COL4A4: variants seen among roughly 807,000 people sequenced by gnomAD.
COL4A4 encodes collagen type IV alpha 4 chain.
A neutral mutation model predicts 192.9 loss-of-function variants in COL4A4; 105 were observed. The ratio of observed to expected loss-of-function variants is 0.54; its 90% CI spans 0.46 to 0.64. The LOEUF (loss-of-function observed/expected upper bound fraction) is 0.64. COL4A4 is among the 30% of genes least tolerant of loss of function. The pLI is 0.00. For missense variants in COL4A4, 1,967 were observed against 2,169.3 expected (o/e 0.91, Z 1.85); for synonymous variants, 762 against 769.9 (o/e 0.99, Z 0.17).
Position 227,103,126 on chromosome 2 carries a change from G to C in COL4A4, c.870+18C>G, listed in dbSNP as rs757340940. 6.3e-6 allele frequency: 10 copies of C among 1,588,180 alleles called. No homozygotes were observed. In the Admixed American group the frequency reaches 1.7e-4, roughly 28 times the overall value. On this transcript the variant is annotated intron_variant, in intron 14 of 47. Transcript: ENST00000396625. Reference sequence around the variant, plus strand: ...ACATCACACAAATGAAAAAAAAAAAGGTACTTAAATAAACTACCTTGCGTC... The same window carrying C: ...ACATCACACAAATGAAAAAAAAAAACGTACTTAAATAAACTACCTTGCGTC...
At chr2:227,018,174 G>A (rs75755673) in intron 44 of COL4A4, among the ~76,000 whole-genome samples, 1,932 of 152,202 alleles carry the variant, frequency 0.013, 23 homozygotes, top group African/African-American at 0.045. Context: ...TAGCTGTCCT[G>A]CAGTTCTCCA....
chr2:226,998,482 A>G (rs1559377482), downstream of COL4A4: 1 of 152,194 alleles, frequency 6.6e-6, no homozygotes, highest in African/African-American at 2.4e-5. Flanking sequence ...GAGATTCAGT[A>G]TTCAGTAAAG....
Position 227,077,910 on chromosome 2 carries a change from GC to G in COL4A4, c.1970del (p.Gly657AlafsTer2). 6.2e-7 allele frequency: 1 copy of G among 1,613,204 alleles called. No homozygotes were observed. On this transcript the variant is annotated frameshift_variant, in exon 25 of 48. Coordinates refer to ENST00000396625, the MANE Select transcript of COL4A4 (RefSeq NM_000092.5). LOFTEE classifies it high-confidence loss of function. The stretch of plus-strand genomic sequence containing the variant: ...TAAAATTACCTTTCTGACCCTTCAA[GC>G]CATCAGGGCCCCTCACACCTGGGTG... ...PGHPGVRGPD[G>X]LKGQKGDTIS...
rs1024093641 is a variant in COL4A4 at position 227,008,069 on chromosome 2, G to C, written c.4758C>G (p.Pro1586=). The C allele has an allele frequency of 2.5e-6, 4 of 1,614,054 alleles. No homozygotes were observed. The highest frequency in any genetic ancestry group is 1.7e-5 in the Admixed American group (1 of 60,032). ...VAVHSQDQSI[P]PCPQTWRSLW... ...GGCTCCTCCAGGTCTGCGGACATGG[G>C]GGGATGGACTGGTCCTGGCTGTGCA... Residue 1586 remains proline (P), a synonymous_variant, in exon 47 of 48, where the codon CCC becomes CCG. Transcript: ENST00000396625.
intron 4 of COL4A4, among the ~76,000 whole-genome samples, chr2:227,126,686 C>T (rs1237094219): frequency 6.6e-6 from 1 of 152,156 alleles, no homozygotes; most frequent in Non-Finnish European, 1.5e-5. Context: ...CATTAAACCT[C>T]AAATAACAGC....
intron 42 of COL4A4, among the ~76,000 whole-genome samples, chr2:227,026,634 G>A (rs922385262): frequency 5.3e-5 from 8 of 152,012 alleles, no homozygotes; most frequent in African/African-American, 1.4e-4. Context: ...CTGAACTGAC[G>A]CCACATTACC....
Position 227,003,932 on chromosome 2 carries a change from A to AAAT in COL4A4, c.*3390_*3392dup, listed in dbSNP as rs1440761054. 2.6e-5 allele frequency: 4 copies of AAAT among 152,254 alleles called. No individual in the cohort carries two copies. The highest frequency in any genetic ancestry group is 9.6e-5 in the African/African-American group (4 of 41,454). The allele number at this position is 152,254 out of a possible 1,614,324, so 9.4% of individuals were successfully genotyped here. On this transcript the variant is annotated 3_prime_UTR_variant, in exon 48 of 48. Transcript: ENST00000396625. ...TTGTAACAAGAGAATGTGGGTATAC[A>AAAT]AATATGTTGAATATTAAAATATTCT...
downstream of COL4A4, chr2:226,997,984 G>A (rs1191153983): frequency 6.6e-6 from 1 of 152,224 alleles, no homozygotes; most frequent in Admixed American, 6.5e-5. Flanking sequence ...ACAAAAGCAA[G>A]TGAGCAAGTG....
At chr2:227,160,991 G>A (rs1306482293) in intron 1 of COL4A4, among the ~76,000 whole-genome samples, 8 of 152,216 alleles carry the variant, frequency 5.3e-5, no homozygotes, top group Admixed American at 5.2e-4. Context: ...CAAGATTAAT[G>A]AAGCAGCTGT....
intron 25 of COL4A4, among the ~76,000 whole-genome samples, chr2:227,074,932 G>A (rs916557295): frequency 6.6e-6 from 1 of 151,954 alleles, no homozygotes; most frequent in African/African-American, 2.4e-5. Context: ...AAACCAGGAA[G>A]AATTCAAATC....
rs771213140 is a variant in COL4A4, at chr2:227,088,822, C to T, written c.1460-6G>A. 8.4e-5 allele frequency: 135 copies of T among 1,614,044 alleles called. No homozygotes were observed. The highest frequency in any genetic ancestry group is 3.3e-4 in the Middle Eastern group (2 of 6,062). On this transcript the variant is annotated splice_polypyrimidine_tract_variant and splice_region_variant and intron_variant, in intron 21 of 47. Transcript: ENST00000396625. ...GGCACAGAGTCCTTCATTTCCTAGA[C>T]AGAGGATCAATGGCAGATTTGTCAT... is the stretch of plus-strand genomic sequence containing the variant.
chr2:227,147,317 T>C (rs781323458), intron 2 of COL4A4, 96 bp downstream of exon 2: 1 of 1,213,700 alleles, frequency 8.2e-7, no homozygotes, highest in South Asian at 1.2e-5. Context: ...ATTTGGCTTT[T>C]TGACATATTA....
rs752058872 is a variant in COL4A4 at position 227,054,635 on chromosome 2, A to G, written c.2819T>C (p.Met940Thr). The change falls in exon 31 of 48, where the codon ATG becomes ACG. Residue 940 changes from methionine (M) to threonine (T), a missense_variant. Coordinates refer to ENST00000396625, the MANE Select transcript of COL4A4 (RefSeq NM_000092.5). ...GAKGEPGEKG[M>T]SGLPGDRGLR... ...TCCCCGGTCTCCAGGAAGGCCAGAC[A>G]TGCCCTTCTCTCCAGGTTCTCCCTT... 2 of 1,614,062 alleles carry G rather than the reference A, an allele frequency of 1.2e-6. No homozygotes were observed. The highest frequency in any genetic ancestry group is 1.7e-5 in the Admixed American group (1 of 60,004).
chr2:227,062,419 TC>T (rs1195737043), intron 26 of COL4A4, 110 bp downstream of exon 26: 10 of 749,376 alleles, frequency 1.3e-5, no homozygotes, highest in Non-Finnish European at 2.4e-5. Context: ...CCTCAAAACT[TC>T]AGAAATGTCC....
chr2:227,164,431 G>A (rs2065118581), upstream of COL4A4: 9 of 510,428 alleles, frequency 1.8e-5, no homozygotes, highest in South Asian at 2.0e-4. The surrounding 1 kb of genome is among the most constrained non-coding windows in gnomAD (Gnocchi z 4.8). Flanking sequence ...CAGGCGCCCA[G>A]CCCTTTCTCG....
chr2:227,118,537 G>C, intron 7 of COL4A4, 108 bp downstream of exon 7: 1 of 870,440 alleles, frequency 1.1e-6, no homozygotes, highest in Admixed American at 1.8e-5. Context: ...TGTTGACAAT[G>C]CTCCAGGCAC....
At position 227,007,629 on chromosome 2, in the gene COL4A4, C is replaced by A. The variant is rs777548381; in HGVS notation, c.4810-41G>T. The A allele has an allele frequency of 3.7e-6, 6 of 1,611,454 alleles. No individual in the cohort carries two copies. The South Asian group carries it at 5.5e-5, about 15-fold the overall frequency. On this transcript the variant is annotated intron_variant, in intron 47 of 47. Transcript: ENST00000396625. ...GAGAGAATTAGGGCTCAGACACACA[C>A]AGACAACCCCAGACCCAATCAGGGA... is the stretch of plus-strand genomic sequence containing the variant.
intron 1 of COL4A4, among the ~76,000 whole-genome samples, chr2:227,160,920 G>A (rs1268403532): frequency 2.6e-5 from 4 of 152,136 alleles, no homozygotes; most frequent in Non-Finnish European, 4.4e-5. Flanking sequence ...TGTTTCAGAG[G>A]TATGGAAAAG....
At chr2:227,101,578 G>T in intron 16 of COL4A4, 21 bp from the exon 17 acceptor site, 1 of 1,541,356 alleles carries the variant, frequency 6.5e-7, no homozygotes, top group Non-Finnish European at 8.7e-7. Context: ...GCACAAACAT[G>T]CCTTAAAAAA....
Sources: allele counts gnomAD v4.1 joint callset (sites outside exome capture counted in the v4.1 genomes callset), GRCh38; gene constraint gnomAD v4.1.1; non-coding constraint Gnocchi (gnomAD v3.1); transcripts MANE v1.5; gene names NCBI Gene and HGNC (gene_info 2026-07-23, HGNC 2026-07-21).